SDCCAG8: variants seen among roughly 807,000 people sequenced by gnomAD.
SDCCAG8 encodes SHH signaling and ciliogenesis regulator SDCCAG8.
SDCCAG8 carries 74 observed loss-of-function variants against 101.8 expected under a neutral mutation model. The ratio of observed to expected loss-of-function variants is 0.73; its 90% CI spans 0.60 to 0.88. The LOEUF (loss-of-function observed/expected upper bound fraction) is 0.88, where lower values mean the gene tolerates loss of function less well. SDCCAG8 is among the 40% of genes least tolerant of loss of function. SDCCAG8 has a pLI of 0.00. For synonymous variants in SDCCAG8, 281 were observed against 292.9 expected, an observed-to-expected ratio of 0.96 and a Z score of 0.41; for missense variants, 787 against 822.6, an observed-to-expected ratio of 0.96 and a Z score of 0.53.
intron 13 of SDCCAG8, among the ~76,000 whole-genome samples, chr1:243,395,453 C>G (rs1365348278): frequency 1.3e-5 from 2 of 152,020 alleles, no homozygotes. Flanking sequence ...TTGAAATTTC[C>G]TCCACATGAA....
At chr1:243,274,501 A>G (rs745742205) in intron 3 of SDCCAG8, 42 bp from the exon 4 acceptor site, 4 of 1,197,802 alleles carry the variant, frequency 3.3e-6, no homozygotes, top group South Asian at 2.6e-5. Context: ...GCTTTTTAAA[A>G]TTTATGTATT....
chr1:243,353,763 C>A (rs555331939), intron 12 of SDCCAG8, among the ~76,000 whole-genome samples: 1 of 152,036 alleles, frequency 6.6e-6, no homozygotes. Context: ...ATAATTGTCT[C>A]CTTGTAATAT....
At chr1:243,284,556 C>A (rs573081587) in intron 4 of SDCCAG8, among the ~76,000 whole-genome samples, 1 of 152,262 alleles carries the variant, frequency 6.6e-6, no homozygotes, top group African/African-American at 2.4e-5. Context: ...CTCCCCTGCC[C>A]TTTAAGTTAG....
chr1:243,473,441 A>C (rs1200131992), intron 16 of SDCCAG8, among the ~76,000 whole-genome samples: 2 of 152,186 alleles, frequency 1.3e-5, no homozygotes, highest in Non-Finnish European at 2.9e-5. Flanking sequence ...AAACAAAGTA[A>C]AAAATTCTCT....
At chr1:243,443,291 A>G (rs1399793953) in intron 16 of SDCCAG8, among the ~76,000 whole-genome samples, 2 of 152,246 alleles carry the variant, frequency 1.3e-5, no homozygotes, top group African/African-American at 4.8e-5. Context: ...AAAAGGGCGA[A>G]GAAGATGCAT....
intron 11 of SDCCAG8, among the ~76,000 whole-genome samples, chr1:243,342,612 C>T (rs901774612): frequency 8.5e-5 from 13 of 152,144 alleles, no homozygotes; most frequent in Middle Eastern, 3.4e-3. Context: ...GTTATCAGTT[C>T]GGGGTTTTAT....
At chr1:243,292,030 C>A (rs2070319181) in intron 5 of SDCCAG8, among the ~76,000 whole-genome samples, 2 of 152,160 alleles carry the variant, frequency 1.3e-5, no homozygotes, top group African/African-American at 4.8e-5. Flanking sequence ...GAACAGCCAA[C>A]TGAAAAGGCA....
chr1:243,310,568 T>A (rs1265816075), intron 8 of SDCCAG8, among the ~76,000 whole-genome samples: 1 of 152,078 alleles, frequency 6.6e-6, no homozygotes, highest in East Asian at 1.9e-4. Flanking sequence ...ATAAAAAATA[T>A]CTTATAATTG....
At chr1:243,338,623 C>T (rs940690368) in intron 10 of SDCCAG8, 8 of 151,940 alleles carry the variant, frequency 5.3e-5, no homozygotes, top group African/African-American at 1.9e-4. Flanking sequence ...TTGAGCACCC[C>T]CTGAGGTCCA....
rs573543184 is a variant in SDCCAG8 at position 243,443,541 on chromosome 1, C to T, written c.1985+16983C>T. The stretch of plus-strand genomic sequence containing the variant: ...GTTTTAAAGCCCCAGCAGGTAACCT[C>T]GCAAGGCAGCTAGACCCCACCAGTG... On this transcript the variant is annotated intron_variant, in intron 16 of 17. Coordinates refer to ENST00000366541, the MANE Select transcript of SDCCAG8 (RefSeq NM_006642.5). Among the ~76,000 whole-genome samples the T allele has an allele frequency of 4.9e-4, 75 of 152,318 alleles. 1 individual carries two copies. Among genetic ancestry groups the T allele is most frequent in the African/African-American group, 1.8e-3 (74 of 41,570 alleles).
chr1:243,492,387 C>T (rs1262672434), intron 17 of SDCCAG8, among the ~76,000 whole-genome samples: 6 of 146,670 alleles, frequency 4.1e-5, no homozygotes, highest in African/African-American at 1.0e-4. Flanking sequence ...CTGCAACCTC[C>T]GCCTCCCGGC....
chr1:243,260,826 T>C (rs1393179117), intron 1 of SDCCAG8, among the ~76,000 whole-genome samples: 3 of 152,190 alleles, frequency 2.0e-5, no homozygotes, highest in Non-Finnish European at 2.9e-5. Context: ...CATTTTGGTG[T>C]TTCAGCCTTT....
chr1:243,452,586 G>C (rs941275325), intron 16 of SDCCAG8, among the ~76,000 whole-genome samples: 2 of 151,344 alleles, frequency 1.3e-5, no homozygotes, highest in African/African-American at 4.9e-5. Flanking sequence ...ATCACACCTG[G>C]CTATATATAT....
At chr1:243,465,493 A>C (rs1457934940) in intron 16 of SDCCAG8, among the ~76,000 whole-genome samples, 3 of 152,262 alleles carry the variant, frequency 2.0e-5, no homozygotes, top group Admixed American at 1.3e-4. Context: ...GGATATTCAA[A>C]AAGTTTAGTC....
At chr1:243,481,800 A>C (rs995603080) in intron 16 of SDCCAG8, among the ~76,000 whole-genome samples, 8 of 152,188 alleles carry the variant, frequency 5.3e-5, no homozygotes, top group African/African-American at 1.2e-4. Context: ...AACCCAAAAC[A>C]AAACCCCAAA....
At chr1:243,312,952 A>G (rs935432451) in intron 8 of SDCCAG8, among the ~76,000 whole-genome samples, 2 of 152,232 alleles carry the variant, frequency 1.3e-5, no homozygotes, top group African/African-American at 4.8e-5. Context: ...TAAGAGTAAC[A>G]GTAACCTCTT....
intron 13 of SDCCAG8, among the ~76,000 whole-genome samples, chr1:243,402,098 CAT>C (rs780501244): frequency 6.9e-4 from 105 of 152,206 alleles, no homozygotes; most frequent in African/African-American, 2.4e-3. Context: ...GTAAACCACA[CAT>C]GTCATTTAAA....
intron 15 of SDCCAG8, among the ~76,000 whole-genome samples, chr1:243,420,440 G>A (rs1445410628): frequency 6.6e-6 from 1 of 152,152 alleles, no homozygotes; most frequent in Non-Finnish European, 1.5e-5. Flanking sequence ...CATAGCTATT[G>A]TCTTTGCCAG....
At chr1:243,341,264 AG>A (rs1163529847) in intron 11 of SDCCAG8, 91 bp downstream of exon 11, 1 of 1,451,172 alleles carries the variant, frequency 6.9e-7, no homozygotes, top group Non-Finnish European at 9.5e-7. Context: ...TACTGTTATC[AG>A]GAGGAAGTTT....
Sources: gnomAD v4.1 joint callset for allele counts (sites outside exome capture counted in the v4.1 genomes callset) on GRCh38, gnomAD v4.1.1 for gene constraint, MANE v1.5 for transcripts, NCBI Gene and HGNC (gene_info 2026-07-23, HGNC 2026-07-21) for gene names.